The following ATP8A2 variants were observed in gnomAD, a reference collection of about 807,000 sequenced individuals.
ATP8A2 encodes ATPase phospholipid transporting 8A2, also known as phospholipid-transporting ATPase IB.
A neutral mutation model predicts 165.6 loss-of-function variants in ATP8A2; 100 were observed. The ratio of observed to expected loss-of-function variants is 0.60; its 90% confidence interval spans 0.51 to 0.71. The LOEUF (loss-of-function observed/expected upper bound fraction) is 0.71. Among genes scored for constraint, ATP8A2 ranks in the 30% least tolerant of loss-of-function variants. The pLI is 0.00. For missense variants in ATP8A2, 1,227 were observed against 1,479.5 expected (o/e 0.83, Z 2.80); for synonymous variants, 543 against 548.8 (o/e 0.99, Z 0.15).
At chr13:25,429,412 G>C (rs1476535066) in intron 1 of ATP8A2, among the ~76,000 whole-genome samples, 1 of 148,042 alleles carries the variant, frequency 6.8e-6, no homozygotes, top group Non-Finnish European at 1.5e-5. Flanking sequence ...AAGTAATCTT[G>C]CATGTTCACT....
chr13:25,551,861 T>C (rs1365372358), intron 11 of ATP8A2, among the ~76,000 whole-genome samples: 1 of 152,120 alleles, frequency 6.6e-6, no homozygotes, highest in Non-Finnish European at 1.5e-5. Context: ...CCATTTCCTC[T>C]CCTGCTTGGT....
At position 25,775,029 on chromosome 13, in the gene ATP8A2, C is replaced by A; in HGVS notation, c.2679+70C>A. The A allele has an allele frequency of 3.5e-6, 3 of 853,030 alleles. No individual in the cohort carries two copies. The South Asian group carries it at 4.7e-5, about 13-fold the overall frequency. 52.8% of individuals were successfully genotyped at this position (853,030 alleles called of 1,614,324 possible). On this transcript the variant is annotated intron_variant, in intron 27 of 36. Transcript: ENST00000381655. The stretch of plus-strand genomic sequence containing the variant: ...GAGGATATCTTGAGGTATTTAAAGT[C>A]ATTTCAAGGCAGGATTTTGTTCATG...
intron 34 of ATP8A2, among the ~76,000 whole-genome samples, chr13:25,965,808 T>C (rs1267630175): frequency 2.0e-5 from 3 of 152,192 alleles, no homozygotes; most frequent in Non-Finnish European, 2.9e-5. Context: ...CCAGAATGAC[T>C]TCATTTCCTT....
intron 15 of ATP8A2, among the ~76,000 whole-genome samples, chr13:25,561,076 G>A (rs1222289638): frequency 3.3e-5 from 5 of 151,794 alleles, no homozygotes; most frequent in Admixed American, 6.6e-5. Flanking sequence ...TTAGTAGAGC[G>A]GGGTTTCACC....
chr13:25,882,534 A>G (rs532649209), intron 33 of ATP8A2, among the ~76,000 whole-genome samples: 1 of 152,092 alleles, frequency 6.6e-6, no homozygotes, highest in Admixed American at 6.5e-5. Flanking sequence ...GTTAAGAACA[A>G]CTCCATTGTA....
intron 27 of ATP8A2, among the ~76,000 whole-genome samples, chr13:25,791,470 AAC>A: frequency 6.6e-6 from 1 of 151,874 alleles, no homozygotes; most frequent in Middle Eastern, 3.4e-3. Flanking sequence ...CTGTACAACA[AAC>A]CACCATGACA....
intron 25 of ATP8A2, among the ~76,000 whole-genome samples, chr13:25,761,269 G>A (rs1239531227): frequency 6.6e-6 from 1 of 152,208 alleles, no homozygotes; most frequent in African/African-American, 2.4e-5. Flanking sequence ...TTTCTCAAGA[G>A]TGGCTGGATA....
At chr13:25,418,181 C>T (rs768874433) in intron 1 of ATP8A2, among the ~76,000 whole-genome samples, 1 of 152,192 alleles carries the variant, frequency 6.6e-6, no homozygotes, top group Non-Finnish European at 1.5e-5. Flanking sequence ...CCAATGAATA[C>T]ATACCCTCAG....
At chr13:25,814,110 C>CACACAT (rs1950949162) in intron 27 of ATP8A2, among the ~76,000 whole-genome samples, 1 of 151,690 alleles carries the variant, frequency 6.6e-6, no homozygotes, top group South Asian at 2.1e-4. Context: ...CACACACACA[C>CACACAT]ACACACACAC....
chr13:25,667,231 G>A (rs1380656020), intron 24 of ATP8A2, among the ~76,000 whole-genome samples: 1 of 152,120 alleles, frequency 6.6e-6, no homozygotes, highest in Non-Finnish European at 1.5e-5. Flanking sequence ...GAATCATACA[G>A]TGTGTGCTAT....
At chr13:26,003,208 T>A (rs533774981) in intron 35 of ATP8A2, among the ~76,000 whole-genome samples, 1 of 152,178 alleles carries the variant, frequency 6.6e-6, no homozygotes, top group African/African-American at 2.4e-5. Flanking sequence ...CTTTTTTTTT[T>A]TTTAATAATA....
intron 1 of ATP8A2, among the ~76,000 whole-genome samples, chr13:25,465,719 C>CTTT (rs1220700622): frequency 9.9e-5 from 4 of 40,302 alleles, no homozygotes; most frequent in Admixed American, 3.3e-4. Flanking sequence ...TTCTTTCTTT[C>CTTT]TTTCTTTCTT....
intron 35 of ATP8A2, among the ~76,000 whole-genome samples, chr13:26,006,230 C>T (rs758888236): frequency 2.0e-5 from 3 of 151,842 alleles, no homozygotes; most frequent in Non-Finnish European, 4.4e-5. Context: ...GAGTGTGGCA[C>T]CTCTTTGGTT....
intron 32 of ATP8A2, 44 bp downstream of exon 32, chr13:25,860,904 T>A (rs530879024): frequency 2.3e-6 from 3 of 1,330,588 alleles, no homozygotes; most frequent in East Asian, 4.8e-5. Flanking sequence ...TATAGATATT[T>A]TTCATGCTAG....
intron 27 of ATP8A2, among the ~76,000 whole-genome samples, chr13:25,819,096 C>G: frequency 6.6e-6 from 1 of 152,084 alleles, no homozygotes; most frequent in East Asian, 1.9e-4. Flanking sequence ...ACCATTCATA[C>G]TTTTCTTTGC....
intron 24 of ATP8A2, among the ~76,000 whole-genome samples, chr13:25,627,564 C>T (rs183751956): frequency 2.4e-4 from 37 of 152,238 alleles, no homozygotes; most frequent in African/African-American, 8.2e-4. Flanking sequence ...TGTGAGAACA[C>T]GGTGAGAAGG....
intron 35 of ATP8A2, among the ~76,000 whole-genome samples, chr13:25,972,929 G>GA (rs1437487239): frequency 2.0e-5 from 3 of 150,928 alleles, no homozygotes; most frequent in Non-Finnish European, 3.0e-5. Flanking sequence ...TGGCAAGCAA[G>GA]AAAAAAAAGG....
intron 27 of ATP8A2, among the ~76,000 whole-genome samples, chr13:25,782,762 C>T (rs1359266052): frequency 2.0e-5 from 3 of 152,076 alleles, no homozygotes; most frequent in Non-Finnish European, 2.9e-5. Flanking sequence ...TTTTTTGAGA[C>T]GGAGTTTCAC....
chr13:25,474,336 C>A (rs865871796), intron 2 of ATP8A2, among the ~76,000 whole-genome samples: 1 of 152,094 alleles, frequency 6.6e-6, no homozygotes, highest in Admixed American at 6.6e-5. Flanking sequence ...CCGAGGTAGG[C>A]AGATCACGAG....
Sources: gnomAD v4.1 joint callset for allele counts (sites outside exome capture counted in the v4.1 genomes callset) on GRCh38, gnomAD v4.1.1 for gene constraint, MANE v1.5 for transcripts, NCBI Gene and HGNC (gene_info 2026-07-23, HGNC 2026-07-21) for gene names.